Variants in HECW1 observed in about 807,000 individuals in gnomAD.
HECW1 encodes the protein E3 ubiquitin-protein ligase HECW1.
A neutral mutation model predicts 182.3 loss-of-function variants in HECW1; 61 were observed. That is an observed-to-expected ratio of 0.33 (90% CI 0.27 to 0.41). The LOEUF (loss-of-function observed/expected upper bound fraction) is 0.41, where lower values mean the gene tolerates loss of function less well. Among genes scored for constraint, HECW1 ranks in the 10% least tolerant of loss-of-function variants. The pLI, the probability that HECW1 is intolerant of heterozygous loss-of-function variation, is 1.00. For synonymous variants in HECW1, 859 were observed against 832.6 expected (o/e 1.03, Z -0.55); for missense variants, 1,739 against 2,108.9 (o/e 0.82, Z 3.44).
chr7:43,431,126 A>G (rs2076536376), intron 8 of HECW1, among the ~76,000 whole-genome samples: 1 of 152,256 alleles, frequency 6.6e-6, no homozygotes, highest in South Asian at 2.1e-4. Flanking sequence ...CAGATGATCA[A>G]GGTCTACATG....
intron 24 of HECW1, among the ~76,000 whole-genome samples, chr7:43,530,137 T>TTA (rs2080922620): frequency 6.8e-6 from 1 of 147,464 alleles, no homozygotes; most frequent in African/African-American, 2.5e-5. Flanking sequence ...TTTTTTTTTT[T>TTA]AGTAGAGATG....
In HECW1 at chr7:43,545,984, A is replaced by T. The variant is rs2081543425; in HGVS notation, c.4248+3986A>T. On this transcript the variant is annotated intron_variant, in intron 26 of 29. Transcript: ENST00000395891. ...TCAGTGCCCATATCTAGAAAGGTTCATTATCATAAAAGAAGTCAAAAGCAG... is the reference window on the plus strand; with the variant it reads ...TCAGTGCCCATATCTAGAAAGGTTCTTTATCATAAAAGAAGTCAAAAGCAG... Among the ~76,000 whole-genome samples the T allele has an allele frequency of 2.0e-5, 3 of 152,198 alleles. 1 individual carries two copies. The South Asian group carries it at 6.2e-4, about 32-fold the overall frequency.
intron 2 of HECW1, among the ~76,000 whole-genome samples, chr7:43,219,048 G>A (rs1239806806): frequency 6.6e-6 from 1 of 152,054 alleles, no homozygotes; most frequent in Non-Finnish European, 1.5e-5. Flanking sequence ...GGATTGGTTT[G>A]ACCAGCCATG....
chr7:43,387,440 A>G (rs930641398), intron 6 of HECW1, among the ~76,000 whole-genome samples: 1 of 152,176 alleles, frequency 6.6e-6, no homozygotes, highest in Non-Finnish European at 1.5e-5. Context: ...TACAAAGGAA[A>G]CTTTCCTTCT....
chr7:43,297,598 G>T (rs905415334), intron 3 of HECW1, among the ~76,000 whole-genome samples: 1 of 152,136 alleles, frequency 6.6e-6, no homozygotes, highest in Non-Finnish European at 1.5e-5. Context: ...TCATGCCTCC[G>T]CTGCTCCTGT....
In HECW1 at chr7:43,337,512, T is replaced by C. The variant is rs543983916; in HGVS notation, c.460+16770T>C. Among the ~76,000 whole-genome samples the C allele has an allele frequency of 1.6e-4, 25 of 152,290 alleles. No individual in the cohort carries two copies. In the East Asian group the frequency reaches 4.6e-3, roughly 28 times the overall value. The stretch of plus-strand genomic sequence containing the variant: ...AGTGGCCAAGAGCCCCAAGGTGACA[T>C]CTCTAGGTCAGCCAAGTGGCCAGTG... On this transcript the variant is annotated intron_variant, in intron 5 of 29. Transcript: ENST00000395891.
intron 2 of HECW1, among the ~76,000 whole-genome samples, chr7:43,140,376 G>T (rs906822192): frequency 1.3e-5 from 2 of 152,138 alleles, no homozygotes; most frequent in Non-Finnish European, 2.9e-5. Flanking sequence ...GTGCCCCCTC[G>T]TAAGTCTCCT....
intron 24 of HECW1, among the ~76,000 whole-genome samples, chr7:43,532,417 G>A (rs73100750): frequency 0.16 from 24,237 of 151,778 alleles, 2,535 homozygotes; most frequent in Non-Finnish European, 0.24. Context: ...TCATTCCAAA[G>A]ACCCTACACG....
chr7:43,399,539 A>G (rs2075335478), intron 7 of HECW1, among the ~76,000 whole-genome samples: 1 of 152,212 alleles, frequency 6.6e-6, no homozygotes, highest in African/African-American at 2.4e-5. Context: ...CAAGTCCTGA[A>G]GCCCAAGAGG....
At chr7:43,145,015 A>AT (rs1380267384) in intron 2 of HECW1, among the ~76,000 whole-genome samples, 5 of 151,932 alleles carry the variant, frequency 3.3e-5, no homozygotes, top group African/African-American at 4.8e-5. Flanking sequence ...ATGTCCTTTC[A>AT]TTTTTTTTAA....
At chr7:43,292,093 A>T (rs1805467576) in intron 3 of HECW1, among the ~76,000 whole-genome samples, 1 of 152,224 alleles carries the variant, frequency 6.6e-6, no homozygotes, top group Non-Finnish European at 1.5e-5. Flanking sequence ...AATTTCTCTT[A>T]CAAAAGGGTA....
At chr7:43,148,867 A>G (rs1191861142) in intron 2 of HECW1, 10 of 151,850 alleles carry the variant, frequency 6.6e-5, no homozygotes, top group African/African-American at 2.4e-4. Flanking sequence ...CATTTCTAAG[A>G]AGCTCTCAGG....
intron 2 of HECW1, among the ~76,000 whole-genome samples, chr7:43,208,577 G>A (rs1167098496): frequency 6.6e-6 from 1 of 152,218 alleles, no homozygotes; most frequent in East Asian, 1.9e-4. Context: ...GGGCCTTGTA[G>A]GATTCAGCAG....
chr7:43,149,662 T>C (rs1247248735), intron 2 of HECW1, among the ~76,000 whole-genome samples: 1 of 152,170 alleles, frequency 6.6e-6, no homozygotes, highest in Non-Finnish European at 1.5e-5. Flanking sequence ...GGAAGATAAA[T>C]GGTAACTCTG....
At chr7:43,512,624 A>C (rs1220299028) in intron 24 of HECW1, among the ~76,000 whole-genome samples, 2 of 152,262 alleles carry the variant, frequency 1.3e-5, no homozygotes, top group Non-Finnish European at 2.9e-5. Context: ...AGGCTAGTGA[A>C]ATAGTGAAAG....
intron 2 of HECW1, among the ~76,000 whole-genome samples, chr7:43,136,192 A>C (rs529171040): frequency 1.3e-5 from 2 of 152,232 alleles, no homozygotes; most frequent in East Asian, 3.9e-4. Context: ...GAGGCGCCTG[A>C]TACTACTATA....
chr7:43,247,644 GAA>G (rs1471088635), intron 3 of HECW1, among the ~76,000 whole-genome samples: 4 of 125,728 alleles, frequency 3.2e-5, no homozygotes, highest in Non-Finnish European at 6.4e-5. Flanking sequence ...TGGAAGGAAA[GAA>G]AGAGAGAGAG....
chr7:43,144,466 A>G (rs1360557641), intron 2 of HECW1, among the ~76,000 whole-genome samples: 1 of 152,166 alleles, frequency 6.6e-6, no homozygotes, highest in Non-Finnish European at 1.5e-5. Flanking sequence ...CTACCTACCT[A>G]TGGAATTTTT....
chr7:43,438,304 A>G (rs547479779), intron 9 of HECW1, 159 bp downstream of exon 9: 30 of 595,982 alleles, frequency 5.0e-5, no homozygotes, highest in African/African-American at 4.1e-4. Flanking sequence ...CTGAGCCAAC[A>G]TAAGTGTTTG....
Sources: allele counts gnomAD v4.1 joint callset (sites outside exome capture counted in the v4.1 genomes callset), GRCh38; gene constraint gnomAD v4.1.1; transcripts MANE v1.5; gene names NCBI Gene and HGNC (gene_info 2026-07-23, HGNC 2026-07-21).